The following MOSMO variants were observed in gnomAD, a reference collection of about 807,000 sequenced individuals.
MOSMO encodes modulator of smoothened.
MOSMO carries 5 observed loss-of-function variants against 18.4 expected under a neutral mutation model. The ratio of observed to expected loss-of-function variants is 0.27; its 90% CI spans 0.14 to 0.57. The LOEUF is 0.57. MOSMO is among the 20% of genes least tolerant of loss of function. MOSMO has a pLI of 0.92. For synonymous variants in MOSMO, 82 were observed against 82.3 expected (o/e 1.00, Z 0.02); for missense variants, 138 against 211.8 (o/e 0.65, Z 2.16).
intron 1 of MOSMO, among the ~76,000 whole-genome samples, chr16:22,009,970 G>A (rs903005061): frequency 6.6e-6 from 1 of 151,926 alleles, no homozygotes; most frequent in Non-Finnish European, 1.5e-5. Flanking sequence ...CAGCCTGGGC[G>A]ACAGAGCGAG....
chr16:22,058,849 T>C lies in MOSMO; in HGVS notation c.107-16638T>C, dbSNP rs538203337. Reference sequence around the variant, plus strand: ...TAGCTAGAGATCAATTTGTGAGTCATTGTCTTTTAGGTGATAATTGAATCA... The same window carrying C: ...TAGCTAGAGATCAATTTGTGAGTCACTGTCTTTTAGGTGATAATTGAATCA... On this transcript the variant is annotated intron_variant, in intron 1 of 2. Transcript: ENST00000542527. Among the ~76,000 whole-genome samples, 206 of 152,294 alleles carry C rather than the reference T, an allele frequency of 1.4e-3. 6 individuals carry two copies. The South Asian group carries it at 0.042, about 31-fold the overall frequency.
At chr16:22,055,614 C>G (rs987172366) in intron 1 of MOSMO, among the ~76,000 whole-genome samples, 3 of 152,214 alleles carry the variant, frequency 2.0e-5, no homozygotes, top group African/African-American at 7.2e-5. Context: ...TACTCAGAAT[C>G]ACTCCTTCTT....
rs570778854 is a variant in MOSMO, at chr16:22,047,271, G to T, written c.107-28216G>T. 8.6e-5 allele frequency among the ~76,000 whole-genome samples: 11 copies of T among 127,410 alleles called. No homozygotes were observed. In the South Asian group the frequency reaches 2.9e-3, roughly 33 times the overall value. The allele number at this position is 127,410 out of a possible 152,430, so 83.6% of individuals were successfully genotyped here. ...TTTTTTTTTTTTTTTTTTAGACGGAGTCTTGCTCTGTCGCCAAGGCTGGAG... is the reference window on the plus strand; with the variant it reads ...TTTTTTTTTTTTTTTTTTAGACGGATTCTTGCTCTGTCGCCAAGGCTGGAG... On this transcript the variant is annotated intron_variant, in intron 1 of 2. Transcript: ENST00000542527.
chr16:22,086,295 A>C (rs1056196903), downstream of MOSMO: 1 of 152,148 alleles, frequency 6.6e-6, no homozygotes, highest in Non-Finnish European at 1.5e-5. Flanking sequence ...AGCTTTGACA[A>C]GCTTTCGTGA....
intron 1 of MOSMO, among the ~76,000 whole-genome samples, chr16:22,071,877 C>G (rs900032965): frequency 6.6e-6 from 1 of 152,126 alleles, no homozygotes; most frequent in African/African-American, 2.4e-5. Context: ...AATAAGTGTG[C>G]AGAAACCACA....
At chr16:22,038,233 T>C (rs1311370006) in intron 1 of MOSMO, among the ~76,000 whole-genome samples, 1 of 152,244 alleles carries the variant, frequency 6.6e-6, no homozygotes, top group Non-Finnish European at 1.5e-5. Flanking sequence ...AGATTGTTAA[T>C]AGCCTTGGAG....
intron 1 of MOSMO, among the ~76,000 whole-genome samples, chr16:22,013,890 G>A (rs974631684): frequency 2.7e-5 from 4 of 148,664 alleles, no homozygotes; most frequent in African/African-American, 9.9e-5. Context: ...TGGGGGGGGG[G>A]AATCTCAAAA....
intron 1 of MOSMO, among the ~76,000 whole-genome samples, chr16:22,010,129 C>G (rs1227086302): frequency 2.6e-5 from 4 of 152,156 alleles, no homozygotes; most frequent in Non-Finnish European, 5.9e-5. Flanking sequence ...CTTCCTCCTC[C>G]CTCCCTTCTC....
downstream of MOSMO, among the ~76,000 whole-genome samples, chr16:22,089,118 T>G (rs923868724): frequency 2.0e-5 from 3 of 152,200 alleles, no homozygotes; most frequent in African/African-American, 7.2e-5. Context: ...CACTGGTTTT[T>G]GGGTTTGGTT....
chr16:22,086,153 C>T (rs1901170178), downstream of MOSMO: 1 of 152,230 alleles, frequency 6.6e-6, no homozygotes, highest in Admixed American at 6.5e-5. Flanking sequence ...TTCAACTGGT[C>T]TCCATTCACT....
chr16:22,068,175 T>C (rs1900783825), intron 1 of MOSMO, among the ~76,000 whole-genome samples: 1 of 152,234 alleles, frequency 6.6e-6, no homozygotes, highest in African/African-American at 2.4e-5. Context: ...ACTTTTTTAT[T>C]TTAAATCAAT....
chr16:22,065,068 T>C (rs1900723871), intron 1 of MOSMO, among the ~76,000 whole-genome samples: 1 of 152,194 alleles, frequency 6.6e-6, no homozygotes, highest in Non-Finnish European at 1.5e-5. Flanking sequence ...AACTAGAGAT[T>C]TGCTGCTAGT....
chr16:22,041,379 A>G (rs1009740078), intron 1 of MOSMO, among the ~76,000 whole-genome samples: 2 of 152,212 alleles, frequency 1.3e-5, no homozygotes, highest in Non-Finnish European at 2.9e-5. Flanking sequence ...CAAGAATAAC[A>G]TGGGAATTTT....
intron 1 of MOSMO, among the ~76,000 whole-genome samples, chr16:22,062,290 C>G (rs1025352979): frequency 6.6e-6 from 1 of 151,880 alleles, no homozygotes; most frequent in African/African-American, 2.4e-5. Flanking sequence ...GAATCCCAAA[C>G]TATGTTTCTC....
intron 1 of MOSMO, among the ~76,000 whole-genome samples, chr16:22,029,147 G>A (rs1400186120): frequency 2.0e-5 from 3 of 152,162 alleles, no homozygotes. Flanking sequence ...TGAGATTACA[G>A]GTGTGAGCCA....
intron 2 of MOSMO, among the ~76,000 whole-genome samples, chr16:22,077,784 C>T (rs925573019): frequency 6.6e-6 from 1 of 152,002 alleles, no homozygotes; most frequent in Non-Finnish European, 1.5e-5. Flanking sequence ...CTGAGAACCT[C>T]CCTGGTGCAT....
At chr16:22,070,486 G>A (rs1382263629) in intron 1 of MOSMO, among the ~76,000 whole-genome samples, 1 of 152,074 alleles carries the variant, frequency 6.6e-6, no homozygotes, top group African/African-American at 2.4e-5. Context: ...TGAGAGACTG[G>A]GAGAAACTGT....
At chr16:22,017,807 G>A (rs1899671480) in intron 1 of MOSMO, among the ~76,000 whole-genome samples, 1 of 152,132 alleles carries the variant, frequency 6.6e-6, no homozygotes, top group African/African-American at 2.4e-5. Context: ...ATTACACGGA[G>A]GAGAATTCTT....
chr16:22,010,888 T>G (rs1899511498), intron 1 of MOSMO, among the ~76,000 whole-genome samples: 1 of 150,570 alleles, frequency 6.6e-6, no homozygotes, highest in Non-Finnish European at 1.5e-5. Context: ...GCTACTGCAC[T>G]CTGGCCTGGG....
Sources: gnomAD v4.1 joint callset for allele counts (sites outside exome capture counted in the v4.1 genomes callset) on GRCh38, gnomAD v4.1.1 for gene constraint, MANE v1.5 for transcripts, NCBI Gene and HGNC (gene_info 2026-07-23, HGNC 2026-07-21) for gene names.